ATP9A: variants seen among roughly 807,000 people sequenced by gnomAD.
ATP9A encodes the protein probable phospholipid-transporting ATPase IIA.
A neutral mutation model predicts 144.1 loss-of-function variants in ATP9A; 52 were observed. The ratio of observed to expected loss-of-function variants is 0.36; its 90% CI spans 0.29 to 0.45. The LOEUF (loss-of-function observed/expected upper bound fraction) is 0.45, where lower values mean the gene tolerates loss of function less well. ATP9A is among the 20% of genes least tolerant of loss of function. ATP9A has a pLI of 1.00. For missense variants in ATP9A, 947 were observed against 1,392.7 expected, an observed-to-expected ratio of 0.68 and a Z score of 5.09; for synonymous variants, 582 against 557.4, an observed-to-expected ratio of 1.04 and a Z score of -0.62.
intron 14 of ATP9A, among the ~76,000 whole-genome samples, chr20:51,650,339 G>T (rs2077358510): frequency 6.6e-6 from 1 of 152,100 alleles, no homozygotes; most frequent in South Asian, 2.1e-4. Context: ...TTTGAGACCA[G>T]CCTGGCCAAT....
chr20:51,659,669 C>A (rs890646612), intron 13 of ATP9A, among the ~76,000 whole-genome samples: 4 of 152,160 alleles, frequency 2.6e-5, no homozygotes, highest in Non-Finnish European at 5.9e-5. Flanking sequence ...GTGATCTGAT[C>A]CTTTAAAATG....
chr20:51,686,422 A>T (rs1304784296), intron 9 of ATP9A, among the ~76,000 whole-genome samples: 1 of 152,134 alleles, frequency 6.6e-6, no homozygotes, highest in South Asian at 2.1e-4. Context: ...ATGGTAAAAG[A>T]AAATAAAGCC....
intron 4 of ATP9A, among the ~76,000 whole-genome samples, chr20:51,709,876 T>C (rs2077630396): frequency 6.6e-6 from 1 of 152,350 alleles, no homozygotes; most frequent in Admixed American, 6.5e-5. Context: ...ATAATACAAG[T>C]ACTGCTATTA....
intron 1 of ATP9A, among the ~76,000 whole-genome samples, chr20:51,757,995 T>C (rs1026414088): frequency 3.9e-5 from 6 of 152,208 alleles, no homozygotes; most frequent in Non-Finnish European, 7.3e-5. Flanking sequence ...GACTGCGCCA[T>C]TTCAGCATGG....
chr20:51,697,913 T>C (rs1281361247), intron 4 of ATP9A, among the ~76,000 whole-genome samples: 1 of 152,220 alleles, frequency 6.6e-6, no homozygotes, highest in Non-Finnish European at 1.5e-5. Flanking sequence ...TTTTAATTTA[T>C]AATTGCTACA....
chr20:51,629,000 T>C lies in ATP9A; in HGVS notation c.1741A>G (p.Asn581Asp). The C allele has an allele frequency of 6.2e-7, 1 of 1,613,820 alleles. No homozygotes were observed. Among genetic ancestry groups the C allele is most frequent in the Non-Finnish European group, 8.5e-7 (1 of 1,179,742 alleles). Reference sequence around the variant, plus strand: ...CTTACCTCTTCCTCCAACCAGTCATTGTACTGCACAATGCCAGCCATGACC... The same window carrying C: ...CTTACCTCTTCCTCCAACCAGTCATCGTACTGCACAATGCCAGCCATGACC... ...DVVMAGIVQY[N>D]DWLEEECGNM... The change falls in exon 16 of 28, where the codon AAT becomes GAT. Residue 581 changes from asparagine (N) to aspartate (D), a missense_variant. Physicochemically the swap from Asn to Asp is conservative, Grantham distance 23. Coordinates refer to ENST00000338821, the MANE Select transcript of ATP9A (RefSeq NM_006045.3).
intron 9 of ATP9A, among the ~76,000 whole-genome samples, chr20:51,682,304 G>A (rs1043617210): frequency 1.3e-5 from 2 of 152,064 alleles, no homozygotes; most frequent in East Asian, 1.9e-4. Context: ...TTCTGTGTAC[G>A]TACTATCCTT....
intron 9 of ATP9A, among the ~76,000 whole-genome samples, chr20:51,681,423 A>ATT (rs1221909662): frequency 1.0e-5 from 1 of 97,628 alleles, no homozygotes; most frequent in Non-Finnish European, 2.1e-5. Context: ...CCCATCCTAA[A>ATT]TTTCTTTTTT....
intron 12 of ATP9A, 110 bp from the exon 13 acceptor site, chr20:51,670,219 A>C: frequency 1.3e-6 from 1 of 793,230 alleles, no homozygotes; most frequent in South Asian, 1.5e-5. Flanking sequence ...CACACACTGC[A>C]GTCAGTACTG....
intron 11 of ATP9A, 123 bp from the exon 12 acceptor site, chr20:51,671,380 A>G (rs1352044222): frequency 1.7e-6 from 2 of 1,170,632 alleles, no homozygotes; most frequent in Non-Finnish European, 2.4e-6. Flanking sequence ...GCAGAAGCAC[A>G]CTGCCAGAGC....
At chr20:51,688,555 G>A (rs1164262179) in intron 9 of ATP9A, among the ~76,000 whole-genome samples, 1 of 151,856 alleles carries the variant, frequency 6.6e-6, no homozygotes, top group Admixed American at 6.6e-5. Flanking sequence ...TTGTGCCACT[G>A]TACTCCAGCC....
rs141730323 is a variant in ATP9A at position 51,754,681 on chromosome 20, T to C, written c.68+13621A>G. 1.3e-3 allele frequency among the ~76,000 whole-genome samples: 192 copies of C among 151,110 alleles called. 4 individuals carry two copies. The East Asian group carries it at 0.031, about 25-fold the overall frequency. On this transcript the variant is annotated intron_variant, in intron 1 of 27. Transcript: ENST00000338821. Reference sequence around the variant, plus strand: ...ATACAAAAAAAATCACTGGGCATGGTGGTGCATGCCTGTAATACTAGCTAG... The same window carrying C: ...ATACAAAAAAAATCACTGGGCATGGCGGTGCATGCCTGTAATACTAGCTAG...
At chr20:51,664,021 T>A (rs916679765) in intron 13 of ATP9A, among the ~76,000 whole-genome samples, 1 of 152,014 alleles carries the variant, frequency 6.6e-6, no homozygotes, top group Non-Finnish European at 1.5e-5. Context: ...TGTGGAATAA[T>A]CCCAATTATG....
rs58144454 is a variant in ATP9A, at chr20:51,638,071, T to TATATATATA, written c.1668+1271_1668+1272insTATATATAT. Among the ~76,000 whole-genome samples the TATATATATA allele has an allele frequency of 3.5e-3, 118 of 34,184 alleles. 24 individuals carry two copies. Among genetic ancestry groups the TATATATATA allele is most frequent in the Non-Finnish European group, 4.4e-3 (76 of 17,254 alleles). 22.4% of individuals were successfully genotyped at this position (34,184 alleles called of 152,430 possible). A position where few individuals can be genotyped will look rare whatever the true frequency, so the allele number is the denominator to read the frequency against. On this transcript the variant is annotated intron_variant, in intron 15 of 27. Coordinates refer to ENST00000338821, the MANE Select transcript of ATP9A (RefSeq NM_006045.3). ...CATGGCTAAGTAGCATTTCATCATT[T>TATATATATA]TATATATATATATATATATATATAT...
chr20:51,700,550 G>A (rs567230917), intron 4 of ATP9A, among the ~76,000 whole-genome samples: 28 of 152,274 alleles, frequency 1.8e-4, no homozygotes, highest in East Asian at 5.8e-4. Flanking sequence ...AAGAGAGAGC[G>A]CCGGGCATGG....
At chr20:51,764,923 G>C (rs1601152703) in intron 1 of ATP9A, among the ~76,000 whole-genome samples, 1 of 152,200 alleles carries the variant, frequency 6.6e-6, no homozygotes, top group Non-Finnish European at 1.5e-5. Context: ...GTTTCACCAT[G>C]TTGGCCAGGC....
chr20:51,713,380 A>C (rs2077648408), intron 3 of ATP9A, among the ~76,000 whole-genome samples: 1 of 152,116 alleles, frequency 6.6e-6, no homozygotes, highest in African/African-American at 2.4e-5. Context: ...AGGAATACTC[A>C]AACTGTCCCT....
At chr20:51,724,436 C>T (rs1021290052) in intron 3 of ATP9A, among the ~76,000 whole-genome samples, 15 of 152,220 alleles carry the variant, frequency 9.9e-5, no homozygotes, top group African/African-American at 3.6e-4. Context: ...TCCCATCACT[C>T]CTCAGGAGGC....
Position 51,674,266 on chromosome 20 carries a change from A to G in ATP9A, c.924T>C (p.Phe308=), listed in dbSNP as rs761408346. ...LEVNCLTKIL[F]GALVVVSLVM... is the part of the protein sequence containing the mutation. ...CCAGCGAGACCACCACCAGGGCACC[A>G]AAGAGGATCTTGGTGAGGCAGTTCA... Residue 308 remains phenylalanine, a synonymous_variant, in exon 11 of 28, where the codon TTT becomes TTC. Coordinates refer to ENST00000338821, the MANE Select transcript of ATP9A (RefSeq NM_006045.3). The G allele has an allele frequency of 2.5e-6, 4 of 1,613,858 alleles. No homozygotes were observed. The Admixed American group carries it at 6.7e-5, about 27-fold the overall frequency.
Sources: gnomAD v4.1 joint callset for allele counts (sites outside exome capture counted in the v4.1 genomes callset) on GRCh38, gnomAD v4.1.1 for gene constraint, MANE v1.5 for transcripts, NCBI Gene and HGNC (gene_info 2026-07-23, HGNC 2026-07-21) for gene names.